DNAAF5: variants seen among roughly 807,000 people sequenced by gnomAD.
DNAAF5 encodes dynein axonemal assembly factor 5.
In DNAAF5, 64 loss-of-function variants were observed where a neutral mutation model predicts 75.8. That is an observed-to-expected ratio of 0.84 (90% CI 0.69 to 1.04). The LOEUF (loss-of-function observed/expected upper bound fraction) is 1.04, where lower values mean the gene tolerates loss of function less well. DNAAF5 is among the 50% of genes least tolerant of loss of function. The pLI is 0.00. For synonymous variants in DNAAF5, 657 were observed against 557.2 expected (o/e 1.18, Z -2.52); for missense variants, 1,269 against 1,178.5 (o/e 1.08, Z -1.12).
chr7:739,363 G>T (rs566254926), intron 2 of DNAAF5, among the ~76,000 whole-genome samples: 1 of 152,312 alleles, frequency 6.6e-6, no homozygotes, highest in African/African-American at 2.4e-5. Context: ...ACCCTGGGCT[G>T]TCTCTGCTCG....
Position 741,445 on chromosome 7 carries a change from C to CCCCCCCAA in DNAAF5, c.1004_1005insCCCCCCAA (p.His337ProfsTer44). On this transcript the variant is annotated frameshift_variant, in exon 4 of 13. Coordinates refer to ENST00000297440, the MANE Select transcript of DNAAF5 (RefSeq NM_017802.4). LOFTEE classifies it high-confidence loss of function. Reference sequence around the variant, plus strand: ...AAGCTGGACTTTGCCCCTCCCACCCCACCCCATTACCCTCCACATGGTGAG... The same window carrying CCCCCCCAA: ...AAGCTGGACTTTGCCCCTCCCACCCCCCCCCCAAACCCCATTACCCTCCACATGGTGAG... 1 of 1,560,948 alleles carries CCCCCCCAA rather than the reference C, an allele frequency of 6.4e-7. No homozygotes were observed. The highest frequency in any genetic ancestry group is 8.7e-7 in the Non-Finnish European group (1 of 1,150,304).
rs1288750275 is a variant in DNAAF5, at chr7:763,991, G to A, written c.1783+17G>A. ...CACAGTCAGGTGAGCCGTCCCGACA[G>A]CTGGCGTGCCGTGCCTGGCCCCACT... On this transcript the variant is annotated intron_variant, in intron 8 of 12. Coordinates refer to ENST00000297440, the MANE Select transcript of DNAAF5 (RefSeq NM_017802.4). 6.3e-7 allele frequency: 1 copy of A among 1,599,844 alleles called. No homozygotes were observed. The highest frequency in any genetic ancestry group is 8.5e-7 in the Non-Finnish European group (1 of 1,179,662).
At chr7:751,870 G>A (rs1341515152) in intron 4 of DNAAF5, among the ~76,000 whole-genome samples, 1 of 152,096 alleles carries the variant, frequency 6.6e-6, no homozygotes, top group Non-Finnish European at 1.5e-5. Context: ...CACCGTGCCC[G>A]GCCTGAATTT....
At chr7:774,876 T>G (rs947981600) in intron 10 of DNAAF5, 130 bp from the exon 11 acceptor site, 2 of 764,762 alleles carry the variant, frequency 2.6e-6, no homozygotes, top group African/African-American at 3.5e-5. Flanking sequence ...CAATGAAGAT[T>G]CAAGCCTACT....
At chr7:779,309 C>G (rs761787829) in intron 11 of DNAAF5, among the ~76,000 whole-genome samples, 4 of 152,172 alleles carry the variant, frequency 2.6e-5, no homozygotes, top group Admixed American at 6.5e-5. Flanking sequence ...CCCCTCCCAG[C>G]GTCGGGAAGA....
chr7:753,455 G>T (rs997482063), intron 4 of DNAAF5, among the ~76,000 whole-genome samples: 3 of 152,254 alleles, frequency 2.0e-5, no homozygotes, highest in Admixed American at 6.5e-5. Context: ...TGCCTTGGGG[G>T]CTGCAGTGCA....
chr7:753,759 G>A (rs1260490887), intron 4 of DNAAF5, among the ~76,000 whole-genome samples: 3 of 146,082 alleles, frequency 2.1e-5, no homozygotes, highest in Non-Finnish European at 4.5e-5. Context: ...ATCATATGGC[G>A]ACGGCTTCGC....
At chr7:732,537 G>A (rs4724987) in intron 2 of DNAAF5, 380,908 of 456,018 alleles carry the variant, frequency 0.84, 159,757 homozygotes, top group South Asian at 0.89. Flanking sequence ...CCTTCCGGGA[G>A]CAACAGATGT....
At chr7:769,465 C>T (rs1583511884) in intron 8 of DNAAF5, among the ~76,000 whole-genome samples, 1 of 152,016 alleles carries the variant, frequency 6.6e-6, no homozygotes, top group African/African-American at 2.4e-5. Context: ...TGCAGGCGCC[C>T]AAGCCTCGCG....
At chr7:753,199 C>G (rs1031366279) in intron 4 of DNAAF5, among the ~76,000 whole-genome samples, 5 of 152,202 alleles carry the variant, frequency 3.3e-5, no homozygotes, top group Admixed American at 2.6e-4. Flanking sequence ...CAGTGAAAGC[C>G]CAGGCCACAC....
intron 8 of DNAAF5, chr7:768,519 C>G (rs942744024): frequency 5.4e-5 from 8 of 148,236 alleles, no homozygotes; most frequent in African/African-American, 2.0e-4. Context: ...GGAGGGCAGA[C>G]AAGTGGTCCA....
At chr7:770,066 C>G (rs1778503040) in intron 8 of DNAAF5, among the ~76,000 whole-genome samples, 1 of 151,790 alleles carries the variant, frequency 6.6e-6, no homozygotes, top group Admixed American at 6.6e-5. Flanking sequence ...ATTCTCCTGC[C>G]TCAGCCTCCC....
At position 784,014 on chromosome 7, in the gene DNAAF5, C is replaced by T. The variant is rs1395224102; in HGVS notation, c.2432-1503C>T. 9.6e-5 allele frequency among the ~76,000 whole-genome samples: 5 copies of T among 52,084 alleles called. No individual in the cohort carries two copies. The East Asian group carries it at 1.5e-3, about 16-fold the overall frequency. The allele number at this position is 52,084 out of a possible 152,430, so 34.2% of individuals were successfully genotyped here. A position where few individuals can be genotyped will look rare whatever the true frequency, so the allele number is the denominator to read the frequency against. ...AAAAACAAAACACAGATGCCCTGTA[C>T]GCCGCCCCCACCTCCCCCACCTCCC... On this transcript the variant is annotated intron_variant, in intron 12 of 12. Coordinates refer to ENST00000297440, the MANE Select transcript of DNAAF5 (RefSeq NM_017802.4).
chr7:783,796 A>G (rs1013502505), intron 12 of DNAAF5, among the ~76,000 whole-genome samples: 23 of 151,378 alleles, frequency 1.5e-4, no homozygotes, highest in African/African-American at 5.3e-4. Flanking sequence ...CACACCATCA[A>G]CCCGAGTTCT....
At chr7:746,448 G>A (rs1227519955) in intron 4 of DNAAF5, among the ~76,000 whole-genome samples, 1 of 90,556 alleles carries the variant, frequency 1.1e-5, no homozygotes, top group African/African-American at 5.5e-5. Flanking sequence ...GGCCTGTGAC[G>A]CCCTCCTTAC....
At chr7:770,963 C>CACAAGTTCTCGGCAGGGA (rs1554255365) in intron 9 of DNAAF5, 5 of 189,244 alleles carry the variant, frequency 2.6e-5, no homozygotes, top group Middle Eastern at 2.0e-3. Flanking sequence ...ACTGGGTAAA[C>CACAAGTTCTCGGCAGGGA]ACAAGCTCTC....
intron 8 of DNAAF5, among the ~76,000 whole-genome samples, chr7:769,683 G>A (rs528340044): frequency 5.1e-4 from 77 of 152,366 alleles, no homozygotes; most frequent in African/African-American, 1.8e-3. Context: ...TTGAGATGGA[G>A]TTTTGCTCTT....
rs1343635067 is a variant in DNAAF5 at position 781,559 on chromosome 7, G to C, written c.2431+1415G>C. On this transcript the variant is annotated intron_variant, in intron 12 of 12. Coordinates refer to ENST00000297440, the MANE Select transcript of DNAAF5 (RefSeq NM_017802.4). The stretch of plus-strand genomic sequence containing the variant: ...AGAAGTGGGATTGCCGGGCTGTATG[G>C]GGCTCTATTTTTAGTTTTGGAGGGA... Among the ~76,000 whole-genome samples the C allele has an allele frequency of 2.0e-5, 3 of 147,246 alleles. No individual in the cohort carries two copies. The East Asian group carries it at 5.8e-4, about 28-fold the overall frequency.
intron 11 of DNAAF5, among the ~76,000 whole-genome samples, chr7:775,390 T>G (rs1266271859): frequency 1.3e-5 from 2 of 151,562 alleles, no homozygotes; most frequent in East Asian, 1.9e-4. Context: ...AACAAAAAAT[T>G]TAAAAATTAG....
Sources: gnomAD v4.1 joint callset for allele counts (sites outside exome capture counted in the v4.1 genomes callset) on GRCh38, gnomAD v4.1.1 for gene constraint, MANE v1.5 for transcripts, NCBI Gene and HGNC (gene_info 2026-07-23, HGNC 2026-07-21) for gene names.